The following IMPA2 variants were observed in gnomAD, a reference collection of about 807,000 sequenced individuals.
IMPA2 encodes IMP 2.
Under a neutral mutation model 35.1 loss-of-function variants are expected in IMPA2, and 32 were observed. The ratio of observed to expected loss-of-function variants is 0.91; its 90% CI spans 0.69 to 1.23. IMPA2 has a LOEUF of 1.23. IMPA2 is among the 50% of genes most tolerant of loss of function. The pLI is 0.00. For synonymous variants in IMPA2, 135 were observed against 160.6 expected (o/e 0.84, Z 1.20); for missense variants, 334 against 387.6 (o/e 0.86, Z 1.16).
chr18:12,024,594 C>T (rs953571814), intron 5 of IMPA2, among the ~76,000 whole-genome samples: 1 of 152,176 alleles, frequency 6.6e-6, no homozygotes, highest in Non-Finnish European at 1.5e-5. Context: ...ACTTTCTTGT[C>T]CCCCATGGCC....
chr18:12,027,470 C>T (rs1907911541), intron 5 of IMPA2, among the ~76,000 whole-genome samples: 2 of 151,930 alleles, frequency 1.3e-5, no homozygotes, highest in South Asian at 4.1e-4. Context: ...GTTGCGATTG[C>T]AGCAGTTAGA....
intron 5 of IMPA2, among the ~76,000 whole-genome samples, chr18:12,016,608 G>A (rs1907586537): frequency 2.0e-5 from 3 of 151,978 alleles, no homozygotes; most frequent in East Asian, 1.9e-4. Flanking sequence ...TAGTAGAGAC[G>A]GGGTTTCACC....
intron 5 of IMPA2, among the ~76,000 whole-genome samples, chr18:12,027,065 A>G (rs1025883164): frequency 2.8e-4 from 42 of 152,252 alleles, no homozygotes; most frequent in Admixed American, 2.6e-3. Context: ...AACTGGGTCC[A>G]TTGAGTGCAG....
intron 5 of IMPA2, among the ~76,000 whole-genome samples, chr18:12,017,149 G>A (rs1395690617): frequency 6.6e-6 from 1 of 152,188 alleles, no homozygotes; most frequent in Admixed American, 6.5e-5. Context: ...AAGAAGGCAA[G>A]AATTTTATTA....
At chr18:12,029,111 T>G (rs921635908) in intron 7 of IMPA2, 118 bp downstream of exon 7, 3 of 525,994 alleles carry the variant, frequency 5.7e-6, no homozygotes, top group Non-Finnish European at 8.1e-6. Context: ...AGTTTCTGTT[T>G]TTTTTTTTTT....
chr18:12,029,546 C>T (rs34288742), intron 7 of IMPA2, among the ~76,000 whole-genome samples: 3 of 152,114 alleles, frequency 2.0e-5, no homozygotes, highest in Non-Finnish European at 4.4e-5. Context: ...CTTGGCCTCC[C>T]GAATAGCTGG....
At chr18:11,990,440 A>G (rs1906782034) in intron 1 of IMPA2, among the ~76,000 whole-genome samples, 1 of 152,058 alleles carries the variant, frequency 6.6e-6, no homozygotes, top group East Asian at 1.9e-4. Context: ...GCCAATAGAG[A>G]AGATGAAAGC....
chr18:11,995,623 C>T (rs1032140430), intron 1 of IMPA2, among the ~76,000 whole-genome samples: 3 of 152,170 alleles, frequency 2.0e-5, no homozygotes, highest in Admixed American at 2.0e-4. Context: ...GACGCATGGT[C>T]ACCGTGACCA....
At chr18:11,995,193 A>G (rs1906926113) in intron 1 of IMPA2, among the ~76,000 whole-genome samples, 1 of 152,174 alleles carries the variant, frequency 6.6e-6, no homozygotes, top group Non-Finnish European at 1.5e-5. Flanking sequence ...CTGCTCCACA[A>G]AGTCATCCAG....
chr18:12,008,297 GT>G (rs747855741), intron 2 of IMPA2: 1 of 515,598 alleles, frequency 1.9e-6, no homozygotes, highest in Non-Finnish European at 3.9e-6. Context: ...CGCCTTGCTT[GT>G]TTTTCACTTA....
At chr18:12,015,299 C>G (rs77659526) in intron 5 of IMPA2, among the ~76,000 whole-genome samples, 18,659 of 152,264 alleles carry the variant, frequency 0.12, 1,722 homozygotes, top group East Asian at 0.49. Context: ...TGCCGCCTCC[C>G]CTCTTGACCC....
Position 12,017,034 on chromosome 18 carries a change from C to G in IMPA2, c.490+2661C>G, listed in dbSNP as rs143672552. On this transcript the variant is annotated intron_variant, in intron 5 of 7. Transcript: ENST00000269159. Reference sequence around the variant, plus strand: ...AATCTCTCTCTCTTTCTCCCTCTCTCTTTCTGCTTCCCTTGGCTTCCCCTT... The same window carrying G: ...AATCTCTCTCTCTTTCTCCCTCTCTGTTTCTGCTTCCCTTGGCTTCCCCTT... Among the ~76,000 whole-genome samples, 1,299 of 152,322 alleles carry G rather than the reference C, an allele frequency of 8.5e-3. 15 individuals are homozygous for G. Among genetic ancestry groups the G allele is most frequent in the African/African-American group, 0.03 (1,254 of 41,568 alleles).
intron 7 of IMPA2, among the ~76,000 whole-genome samples, chr18:12,029,670 C>T (rs1401723976): frequency 5.3e-5 from 8 of 152,156 alleles, no homozygotes; most frequent in Non-Finnish European, 1.5e-5. Flanking sequence ...ATCCACTCGC[C>T]TCGGCCTCCC....
chr18:12,016,772 T>C (rs1161970849), intron 5 of IMPA2, among the ~76,000 whole-genome samples: 2 of 152,170 alleles, frequency 1.3e-5, no homozygotes, highest in Non-Finnish European at 2.9e-5. Flanking sequence ...TTAACCTCTC[T>C]GAATCTCAGT....
intron 1 of IMPA2, among the ~76,000 whole-genome samples, chr18:11,984,752 G>C (rs1568024822): frequency 6.6e-6 from 1 of 152,150 alleles, no homozygotes; most frequent in Non-Finnish European, 1.5e-5. Flanking sequence ...CAGATCACAA[G>C]GTCAGGAGAT....
rs557914945 is a variant in IMPA2, at chr18:11,992,856, G to A, written c.97-6198G>A. Among the ~76,000 whole-genome samples, 15 of 152,314 alleles carry A rather than the reference G, an allele frequency of 9.8e-5. 1 individual carries two copies. Among genetic ancestry groups the A allele is most frequent in the African/African-American group, 3.6e-4 (15 of 41,574 alleles). On this transcript the variant is annotated intron_variant, in intron 1 of 7. Transcript: ENST00000269159. ...TGGACGTGATCCTGGCTAAAGGGCA[G>A]GGCTGTTTGAGTCTCGCTTACTGAT... is the stretch of plus-strand genomic sequence containing the variant.
chr18:11,997,218 T>G (rs191123329), intron 1 of IMPA2, among the ~76,000 whole-genome samples: 17 of 152,054 alleles, frequency 1.1e-4, no homozygotes, highest in African/African-American at 3.1e-4. Flanking sequence ...ATGTGAGGAG[T>G]GTGAGATTCA....
At chr18:11,990,558 A>G (rs1029950440) in intron 1 of IMPA2, among the ~76,000 whole-genome samples, 1 of 152,050 alleles carries the variant, frequency 6.6e-6, no homozygotes, top group Non-Finnish European at 1.5e-5. Context: ...GGAGGGCAGA[A>G]TTGCAGGTGG....
intron 5 of IMPA2, chr18:12,017,616 T>A (rs1448739169): frequency 2.3e-6 from 1 of 430,354 alleles, no homozygotes; most frequent in African/African-American, 2.1e-5. Flanking sequence ...TGAAACAGGA[T>A]CTCACTCTGT....
Sources: allele counts gnomAD v4.1 joint callset (sites outside exome capture counted in the v4.1 genomes callset), GRCh38; gene constraint gnomAD v4.1.1; transcripts MANE v1.5; gene names NCBI Gene and HGNC (gene_info 2026-07-23, HGNC 2026-07-21).